The following GRIA4 variants were observed in gnomAD, a reference collection of about 807,000 sequenced individuals.
The protein encoded by GRIA4 is glutamate ionotropic receptor AMPA type subunit 4.
In GRIA4, 34 loss-of-function variants were observed where a neutral mutation model predicts 104.0. The observed-to-expected ratio is 0.33, with a 90% CI of 0.25 to 0.44. The LOEUF is 0.44. Among genes scored for constraint, GRIA4 ranks in the 20% least tolerant of loss-of-function variants. The pLI, the probability that GRIA4 is intolerant of heterozygous loss-of-function variation, is 1.00. For missense variants in GRIA4, 750 were observed against 1,096.5 expected, an observed-to-expected ratio of 0.68 and a Z score of 4.46; for synonymous variants, 386 against 381.9, an observed-to-expected ratio of 1.01 and a Z score of -0.13.
intron 7 of GRIA4, among the ~76,000 whole-genome samples, chr11:105,902,824 A>G (rs564028579): frequency 1.3e-5 from 2 of 152,300 alleles, no homozygotes; most frequent in Non-Finnish European, 2.9e-5. Flanking sequence ...CATGATTAGT[A>G]GTTAGTAGTT....
At chr11:105,760,563 AACATG>A (rs1940570937) in intron 4 of GRIA4, among the ~76,000 whole-genome samples, 1 of 152,200 alleles carries the variant, frequency 6.6e-6, no homozygotes, top group South Asian at 2.1e-4. Context: ...TATGATGCAG[AACATG>A]ACATATTTTT....
chr11:105,863,402 A>G (rs1000310264), intron 5 of GRIA4, among the ~76,000 whole-genome samples: 1 of 151,642 alleles, frequency 6.6e-6, no homozygotes, highest in Non-Finnish European at 1.5e-5. Context: ...ATATATATAT[A>G]TATATACTGA....
chr11:105,731,615 T>G (rs190374881), intron 3 of GRIA4, among the ~76,000 whole-genome samples: 1 of 152,198 alleles, frequency 6.6e-6, no homozygotes, highest in East Asian at 1.9e-4. Context: ...AGCAAAGACT[T>G]GGAACAAACC....
At chr11:105,695,669 T>C (rs920013140) in intron 3 of GRIA4, among the ~76,000 whole-genome samples, 1 of 152,190 alleles carries the variant, frequency 6.6e-6, no homozygotes, top group Non-Finnish European at 1.5e-5. Flanking sequence ...AGCATAGCCT[T>C]GAAGTCCTTT....
intron 3 of GRIA4, among the ~76,000 whole-genome samples, chr11:105,687,644 T>C (rs1393725386): frequency 6.6e-6 from 1 of 152,176 alleles, no homozygotes; most frequent in Non-Finnish European, 1.5e-5. Context: ...ATATAAAGCA[T>C]CTTGGACAGT....
chr11:105,718,894 C>T (rs572902893), intron 3 of GRIA4, among the ~76,000 whole-genome samples: 1 of 152,190 alleles, frequency 6.6e-6, no homozygotes, highest in Admixed American at 6.5e-5. Context: ...TTCCAATCAG[C>T]TGCTTACTTA....
In GRIA4 at chr11:105,631,440, A is replaced by G. The variant is rs190648469; in HGVS notation, c.247+19006A>G. Among the ~76,000 whole-genome samples, 7 of 152,364 alleles carry G rather than the reference A, an allele frequency of 4.6e-5. No individual in the cohort carries two copies. In the East Asian group the frequency reaches 1.4e-3, roughly 29 times the overall value. ...TATATGGAGAGAAATGAGCAATTAA[A>G]TAAAACAAAATCCTTTGGCAGCCCC... On this transcript the variant is annotated intron_variant, in intron 3 of 16. Coordinates refer to ENST00000282499, the MANE Select transcript of GRIA4 (RefSeq NM_000829.4).
intron 4 of GRIA4, among the ~76,000 whole-genome samples, chr11:105,806,458 AT>A (rs1942956945): frequency 6.6e-6 from 1 of 151,954 alleles, no homozygotes; most frequent in Non-Finnish European, 1.5e-5. Flanking sequence ...AGGTATATTG[AT>A]TGAAAATGTA....
rs12221974 is a variant in GRIA4 at position 105,805,352 on chromosome 11, C to G, written c.487+52132C>G. 3.5e-3 allele frequency among the ~76,000 whole-genome samples: 536 copies of G among 151,552 alleles called. 7 individuals are homozygous for G. Among genetic ancestry groups the G allele is most frequent in the East Asian group, 0.035 (178 of 5,130 alleles). ...ATCCATAATCTAGTAAGGCAACTCA[C>G]TCACCCATAACTGCTGGTTAAGAGG... On this transcript the variant is annotated intron_variant, in intron 4 of 16. Transcript: ENST00000282499.
chr11:105,688,684 A>C (rs1400534751), intron 3 of GRIA4, among the ~76,000 whole-genome samples: 1 of 152,236 alleles, frequency 6.6e-6, no homozygotes, highest in Non-Finnish European at 1.5e-5. Context: ...TGCAGACATA[A>C]GGGTTAATGA....
At chr11:105,944,303 T>C (rs1375401494) in intron 14 of GRIA4, among the ~76,000 whole-genome samples, 1 of 152,176 alleles carries the variant, frequency 6.6e-6, no homozygotes, top group Non-Finnish European at 1.5e-5. Flanking sequence ...GTCATTTTAC[T>C]TGATGAAGAA....
chr11:105,884,013 G>T (rs1225715761), intron 5 of GRIA4, among the ~76,000 whole-genome samples: 1 of 152,122 alleles, frequency 6.6e-6, no homozygotes, highest in Non-Finnish European at 1.5e-5. Context: ...AAACCACAAT[G>T]AGATACCATC....
intron 12 of GRIA4, 132 bp downstream of exon 12, chr11:105,924,901 C>G: frequency 1.5e-6 from 1 of 647,670 alleles, no homozygotes; most frequent in Non-Finnish European, 2.6e-6. Flanking sequence ...TTGCAATTCC[C>G]AAATAGCAAT....
intron 4 of GRIA4, among the ~76,000 whole-genome samples, chr11:105,833,015 T>A (rs1944035288): frequency 6.6e-6 from 1 of 152,000 alleles, no homozygotes. Flanking sequence ...GTAAATCATC[T>A]TTTTTTATAA....
At chr11:105,941,193 A>G (rs1948172747) in intron 14 of GRIA4, among the ~76,000 whole-genome samples, 1 of 152,196 alleles carries the variant, frequency 6.6e-6, no homozygotes, top group Non-Finnish European at 1.5e-5. Context: ...AGTTAGAAAT[A>G]TTGTGAAAAT....
chr11:105,948,986 TTTAG>T (rs1948399364), intron 14 of GRIA4, among the ~76,000 whole-genome samples: 1 of 152,264 alleles, frequency 6.6e-6, no homozygotes, highest in Admixed American at 6.5e-5. Context: ...TATCTTGAAG[TTTAG>T]TTAAGAGTAT....
chr11:105,804,741 A>C (rs750456178), intron 4 of GRIA4, among the ~76,000 whole-genome samples: 2 of 151,986 alleles, frequency 1.3e-5, no homozygotes, highest in Non-Finnish European at 2.9e-5. Context: ...TCATTTTTTA[A>C]CCACATTCCT....
intron 16 of GRIA4, 104 bp from the exon 17 acceptor site, chr11:105,979,471 G>A: frequency 9.9e-7 from 1 of 1,014,694 alleles, no homozygotes; most frequent in Non-Finnish European, 1.5e-6. Context: ...AAATGCAGAT[G>A]TCTAATTATT....
chr11:105,858,252 C>A (rs1945088864), intron 4 of GRIA4, among the ~76,000 whole-genome samples: 1 of 152,022 alleles, frequency 6.6e-6, no homozygotes, highest in Admixed American at 6.6e-5. Context: ...GTGTATTTTG[C>A]ATAATGGATA....
Sources: allele counts gnomAD v4.1 joint callset (sites outside exome capture counted in the v4.1 genomes callset), GRCh38; gene constraint gnomAD v4.1.1; transcripts MANE v1.5; gene names NCBI Gene and HGNC (gene_info 2026-07-23, HGNC 2026-07-21).